The following PHF14 variants were observed in gnomAD, a reference collection of about 807,000 sequenced individuals.
PHF14 encodes the protein PHD finger protein 14.
Under a neutral mutation model 117.9 loss-of-function variants are expected in PHF14, and 55 were observed. That is an observed-to-expected ratio of 0.47 (90% CI 0.38 to 0.58). The LOEUF (loss-of-function observed/expected upper bound fraction) is 0.58, where lower values mean the gene tolerates loss of function less well. PHF14 is among the 20% of genes least tolerant of loss of function. PHF14 has a pLI of 0.00. For missense variants in PHF14, 978 were observed against 1,122.2 expected (o/e 0.87, Z 1.84); for synonymous variants, 409 against 368.6 (o/e 1.11, Z -1.26).
rs547776569 is a variant in PHF14, at chr7:10,989,388, G to A, written c.901-1315G>A. On this transcript the variant is annotated intron_variant, in intron 3 of 17. Coordinates refer to ENST00000634607, the MANE Select transcript of PHF14 (RefSeq NM_001007157.2). ...CATATTTATGAAAAATATATATTGT[G>A]TATTGTATGAAACTAATTTATTAAA... is the stretch of plus-strand genomic sequence containing the variant. Among the ~76,000 whole-genome samples the A allele has an allele frequency of 3.1e-3, 469 of 152,016 alleles. 1 individual carries two copies. The highest frequency in any genetic ancestry group is 0.011 in the African/African-American group (452 of 41,478).
intron 3 of PHF14, among the ~76,000 whole-genome samples, chr7:10,986,148 A>ATTT (rs111598592): frequency 7.8e-6 from 1 of 129,014 alleles, no homozygotes; most frequent in Non-Finnish European, 1.7e-5. Context: ...TTTATTTTTG[A>ATTT]TTTTTTTTTT....
chr7:11,000,334 C>CTTTTTTTTTTTT (rs71023882), intron 4 of PHF14, among the ~76,000 whole-genome samples: 1 of 60,350 alleles, frequency 1.7e-5, no homozygotes, highest in Non-Finnish European at 3.0e-5. Context: ...GCTTATTTGC[C>CTTTTTTTTTTTT]TTTTTTTTTT....
At chr7:11,163,843 A>G (rs1789120883) in intron 17 of PHF14, among the ~76,000 whole-genome samples, 1 of 152,186 alleles carries the variant, frequency 6.6e-6, no homozygotes, top group South Asian at 2.1e-4. Context: ...GAATAAAACA[A>G]TATAGTTTTT....
chr7:11,114,350 G>A (rs1787531534), intron 17 of PHF14, among the ~76,000 whole-genome samples: 1 of 152,054 alleles, frequency 6.6e-6, no homozygotes, highest in Admixed American at 6.6e-5. Flanking sequence ...ACTGTCAGCA[G>A]CTATTTATAT....
At chr7:11,109,905 A>C (rs915064891) in intron 16 of PHF14, 1 of 151,936 alleles carries the variant, frequency 6.6e-6, no homozygotes, top group Non-Finnish European at 1.5e-5. Flanking sequence ...GGAAAAGTAC[A>C]TAAGCTTATT....
intron 17 of PHF14, among the ~76,000 whole-genome samples, chr7:11,142,616 C>G (rs574751584): frequency 8.5e-5 from 13 of 152,074 alleles, no homozygotes; most frequent in African/African-American, 2.6e-4. Flanking sequence ...ATTAAAAATG[C>G]TTGTGACAAC....
At chr7:11,007,556 T>A (rs1783166812) in intron 4 of PHF14, among the ~76,000 whole-genome samples, 1 of 152,198 alleles carries the variant, frequency 6.6e-6, no homozygotes, top group South Asian at 2.1e-4. Context: ...TTAAATATGG[T>A]TGCTTACAGT....
intron 17 of PHF14, among the ~76,000 whole-genome samples, chr7:11,132,187 T>G (rs1788109057): frequency 6.6e-6 from 1 of 151,728 alleles, no homozygotes; most frequent in Admixed American, 6.6e-5. Flanking sequence ...ATATTGTATA[T>G]TTTATCTCTA....
rs1421130817 is a variant in PHF14, at chr7:11,061,088, G to A, written c.2482-703G>A. 4.6e-5 allele frequency among the ~76,000 whole-genome samples: 7 copies of A among 152,158 alleles called. No homozygotes were observed. The East Asian group carries it at 1.3e-3, about 29-fold the overall frequency. On this transcript the variant is annotated intron_variant, in intron 14 of 17. Coordinates refer to ENST00000634607, the MANE Select transcript of PHF14 (RefSeq NM_001007157.2). The stretch of plus-strand genomic sequence containing the variant: ...TCCAGTCTCTAGGGAACAGTGGTCT[G>A]CATATGGGGCTGTGCTGTGATTGGT...
rs563945975 is a variant in PHF14 at position 10,985,226 on chromosome 7, G to T, written c.900+2067G>T. Among the ~76,000 whole-genome samples, 5 of 152,162 alleles carry T rather than the reference G, an allele frequency of 3.3e-5. No homozygotes were observed. In the South Asian group the frequency reaches 1.0e-3, roughly 32 times the overall value. On this transcript the variant is annotated intron_variant, in intron 3 of 17. Coordinates refer to ENST00000634607, the MANE Select transcript of PHF14 (RefSeq NM_001007157.2). Reference sequence around the variant, plus strand: ...CTTGTTGCCTGTGGCCAATGTTTGGGTCTTAATCTTCCTGGTTATTTTAGC... The same window carrying T: ...CTTGTTGCCTGTGGCCAATGTTTGGTTCTTAATCTTCCTGGTTATTTTAGC...
intron 4 of PHF14, among the ~76,000 whole-genome samples, chr7:11,001,911 C>G (rs749231874): frequency 1.6e-4 from 24 of 152,164 alleles, no homozygotes; most frequent in Non-Finnish European, 2.4e-4. Context: ...AGAGAACATC[C>G]TTGCCTCATA....
At chr7:11,076,032 G>A (rs999492501) in intron 16 of PHF14, among the ~76,000 whole-genome samples, 4 of 152,120 alleles carry the variant, frequency 2.6e-5, no homozygotes, top group South Asian at 4.1e-4. Context: ...CCAGCTACTC[G>A]GGAGGCTGAG....
intron 16 of PHF14, among the ~76,000 whole-genome samples, chr7:11,076,823 C>T (rs1407324740): frequency 1.3e-5 from 2 of 150,982 alleles, no homozygotes; most frequent in African/African-American, 4.9e-5. Context: ...CTGCCTTGGC[C>T]TCCCAAAGTG....
chr7:11,011,013 C>A (rs757438149), intron 4 of PHF14, among the ~76,000 whole-genome samples: 18 of 152,172 alleles, frequency 1.2e-4, no homozygotes, highest in Non-Finnish European at 2.4e-4. Flanking sequence ...ATAAGGATAA[C>A]AATTAAACAG....
chr7:11,023,043 T>C, intron 6 of PHF14, 64 bp downstream of exon 6: 1 of 823,144 alleles, frequency 1.2e-6, no homozygotes, highest in Non-Finnish European at 2.0e-6. Flanking sequence ...TTTACCTGGC[T>C]TTTTATTTGT....
intron 16 of PHF14, among the ~76,000 whole-genome samples, chr7:11,087,989 C>T (rs994240763): frequency 6.6e-6 from 1 of 152,058 alleles, no homozygotes; most frequent in African/African-American, 2.4e-5. Flanking sequence ...ATAGAATAGT[C>T]CACTTTGTTT....
chr7:10,975,683 C>G (rs1297918676), intron 2 of PHF14, among the ~76,000 whole-genome samples: 1 of 152,042 alleles, frequency 6.6e-6, no homozygotes, highest in Non-Finnish European at 1.5e-5. Context: ...GGGAAAAATA[C>G]TGATAAACAT....
intron 16 of PHF14, among the ~76,000 whole-genome samples, chr7:11,094,475 C>G (rs971837350): frequency 1.3e-5 from 2 of 152,178 alleles, no homozygotes; most frequent in African/African-American, 2.4e-5. Flanking sequence ...TTCTCTCTTA[C>G]AAGAGCTCTT....
At chr7:11,098,209 C>T (rs1786948360) in intron 16 of PHF14, among the ~76,000 whole-genome samples, 1 of 152,116 alleles carries the variant, frequency 6.6e-6, no homozygotes, top group South Asian at 2.1e-4. Context: ...ATTTAAAAAA[C>T]TTTAGCCATG....
Sources: allele counts gnomAD v4.1 joint callset (sites outside exome capture counted in the v4.1 genomes callset), GRCh38; gene constraint gnomAD v4.1.1; transcripts MANE v1.5; gene names NCBI Gene and HGNC (gene_info 2026-07-23, HGNC 2026-07-21).